ZMYM3: variants seen among roughly 807,000 people sequenced by gnomAD.
ZMYM3 encodes the protein zinc finger MYM-type protein 3.
A neutral mutation model predicts 94.2 loss-of-function variants in ZMYM3; 6 were observed. That is an observed-to-expected ratio of 0.06 (90% CI 0.03 to 0.13). ZMYM3 has a LOEUF of 0.13. Ranked by LOEUF, ZMYM3 falls within the 10% of genes least tolerant of loss-of-function variation. ZMYM3 has a pLI of 1.00. For missense variants in ZMYM3, 664 were observed against 1,132.6 expected (o/e 0.59, Z 5.94); for synonymous variants, 420 against 426.5 (o/e 0.98, Z 0.19).
intron 3 of ZMYM3, 121 bp downstream of exon 3, chrX:71,251,437 C>T (rs1390882858): frequency 2.0e-6 from 2 of 992,581 alleles, no homozygotes; most frequent in East Asian, 6.7e-5. Context: ...GTGCTCCCTC[C>T]CTCCTCCTAA....
At chrX:71,253,539 A>G (rs1204504813) in intron 1 of ZMYM3, among the ~76,000 whole-genome samples, 1 of 22,784 alleles carries the variant, frequency 4.4e-5, no homozygotes, top group Admixed American at 5.4e-4. Flanking sequence ...CCACCCCCCT[A>G]CTCGACTGCA....
intron 17 of ZMYM3, 22 bp downstream of exon 17, chrX:71,245,646 G>T: frequency 8.3e-7 from 1 of 1,203,389 alleles, no homozygotes; most frequent in South Asian, 1.8e-5. Context: ...TGTCTCCCTC[G>T]TCGCCACCAT....
chrX:71,249,059 G>A lies in ZMYM3; in HGVS notation c.1581C>T (p.Cys527=). The A allele has an allele frequency of 8.3e-7, 1 of 1,211,548 alleles. No homozygotes were observed. The highest frequency in any genetic ancestry group is 1.1e-6 in the Non-Finnish European group (1 of 895,523). ...GCTTCACTTTGTAAGAAGTGGTACA[G>A]CACAGGGAACAGAACAAGCTGGTCT... ...NGKTSLFCSL[C]CTTSYKVKQA... The change falls in exon 8 of 25, where the codon TGC becomes TGT. Residue 527 remains cysteine (C), a synonymous_variant. Coordinates refer to ENST00000314425, the MANE Select transcript of ZMYM3 (RefSeq NM_201599.3).
In ZMYM3 at chrX:71,240,773, G is replaced by A; in HGVS notation, c.*143C>T. ...AAGAAGATAAAAGCCAGGGTTCCTA[G>A]AGAAGGCAGGGAATGGGTGAGCGGA... On this transcript the variant is annotated 3_prime_UTR_variant, in exon 25 of 25. Transcript: ENST00000314425. The A allele has an allele frequency of 1.7e-6, 1 of 593,208 alleles. No homozygotes were observed. The allele number at this position is 593,208 out of a possible 1,213,427, so 48.9% of individuals were successfully genotyped here. A position where few individuals can be genotyped will look rare whatever the true frequency, so the allele number is the denominator to read the frequency against.
chrX:71,246,286 C>T (rs1228022695), intron 15 of ZMYM3, 67 bp downstream of exon 15: 9 of 1,180,675 alleles, frequency 7.6e-6, no homozygotes, highest in South Asian at 7.2e-5. Context: ...GTCCAGCTCA[C>T]GGACATAGGG....
chrX:71,253,829 G>A (rs2148003140), intron 1 of ZMYM3, among the ~76,000 whole-genome samples, 200 bp downstream of exon 1: 1 of 77,428 alleles, frequency 1.3e-5, no homozygotes, highest in African/African-American at 5.1e-5. Flanking sequence ...CTTTCAGGTC[G>A]CCCACTTCCT....
rs899672548 is a variant in ZMYM3, at chrX:71,239,849, C to T, written c.*1067G>A. On this transcript the variant is annotated 3_prime_UTR_variant, in exon 25 of 25. Coordinates refer to ENST00000314425, the MANE Select transcript of ZMYM3 (RefSeq NM_201599.3). Reference sequence around the variant, plus strand: ...AGTCAACAGGGAAAGAAGTGGGTACCCCCTTTGCCAGAAGCTAATTGTTTT... The same window carrying T: ...AGTCAACAGGGAAAGAAGTGGGTACTCCCTTTGCCAGAAGCTAATTGTTTT... 3.6e-5 allele frequency: 4 copies of T among 112,375 alleles called. No individual in the cohort carries two copies. The highest frequency in any genetic ancestry group is 7.5e-5 in the Non-Finnish European group (4 of 53,199). 9.3% of individuals were successfully genotyped at this position (112,375 alleles called of 1,213,427 possible).
chrX:71,239,791 T>C lies in ZMYM3; in HGVS notation c.*1125A>G, dbSNP rs1038169091. 8.9e-6 allele frequency: 1 copy of C among 112,527 alleles called. No homozygotes were observed. The highest frequency in any genetic ancestry group is 1.9e-5 in the Non-Finnish European group (1 of 53,247). 9.3% of individuals were successfully genotyped at this position (112,527 alleles called of 1,213,427 possible). A position where few individuals can be genotyped will look rare whatever the true frequency, so the allele number is the denominator to read the frequency against. On this transcript the variant is annotated 3_prime_UTR_variant, in exon 25 of 25. Coordinates refer to ENST00000314425, the MANE Select transcript of ZMYM3 (RefSeq NM_201599.3). ...AACAGTGGCTAACTGGTGACAGTTA[T>C]AAAAACACAAAAAGGAGCCTGGGAA... is the stretch of plus-strand genomic sequence containing the variant.
chrX:71,245,690 G>T lies in ZMYM3; in HGVS notation c.2838C>A (p.Asp946Glu). Residue 946 changes from aspartate to glutamate, a missense_variant, in exon 17 of 25, where the codon GAC becomes GAA. Coordinates refer to ENST00000314425, the MANE Select transcript of ZMYM3 (RefSeq NM_201599.3). ...TACCACAAAGGTCAGATGAGGCCTTGTCTAACTCCTCAGCCTCTGCAATCA... is the reference window on the plus strand; with the variant it reads ...TACCACAAAGGTCAGATGAGGCCTTTTCTAACTCCTCAGCCTCTGCAATCA... ...AEMIAEAEEL[D>E]KASSDLCDLV... is the part of the protein sequence containing the mutation. 1 of 1,211,345 alleles carries T rather than the reference G, an allele frequency of 8.3e-7. No individual in the cohort carries two copies. The highest frequency in any genetic ancestry group is 1.1e-6 in the Non-Finnish European group (1 of 895,322).
chrX:71,244,958 C>T (rs1455226584), intron 18 of ZMYM3, 65 bp from the exon 19 acceptor site: 1 of 935,021 alleles, frequency 1.1e-6, no homozygotes, highest in African/African-American at 2.0e-5. Flanking sequence ...CCCTCCTGCC[C>T]CACCCCTGCT....
In ZMYM3 at chrX:71,248,140, C is replaced by G. The variant is rs1035188460; in HGVS notation, c.1975+22G>C. Reference sequence around the variant, plus strand: ...CCCTGGCTGGGAGTTATAGTGTCTTCTGCCCTTCCCCATCTCCTTACCTTC... The same window carrying G: ...CCCTGGCTGGGAGTTATAGTGTCTTGTGCCCTTCCCCATCTCCTTACCTTC... On this transcript the variant is annotated intron_variant, in intron 11 of 24. Transcript: ENST00000314425. The G allele has an allele frequency of 3.3e-6, 4 of 1,207,269 alleles. 1 individual carries two copies. In the African/African-American group the frequency reaches 7.0e-5, roughly 21 times the overall value.
chrX:71,247,191 G>T (rs1041270825), intron 13 of ZMYM3, among the ~76,000 whole-genome samples, 154 bp downstream of exon 13: 1 of 111,773 alleles, frequency 8.9e-6, no homozygotes, highest in Admixed American at 9.5e-5. Context: ...GTACCTGCAG[G>T]GTTCGGAAGC....
chrX:71,250,968 A>G (rs938810681), intron 4 of ZMYM3, among the ~76,000 whole-genome samples: 1 of 111,240 alleles, frequency 9.0e-6, no homozygotes, highest in Non-Finnish European at 1.9e-5. Flanking sequence ...GGCATAGCTG[A>G]AACAGGAAAC....
chrX:71,252,836 T>C lies in ZMYM3; in HGVS notation c.420A>G (p.Leu140=). The C allele has an allele frequency of 8.3e-7, 1 of 1,211,030 alleles. No individual in the cohort carries two copies. The change falls in exon 2 of 25, where the codon CTA becomes CTG. Residue 140 remains leucine (L), a synonymous_variant. Coordinates refer to ENST00000314425, the MANE Select transcript of ZMYM3 (RefSeq NM_201599.3). ...GAGAATCTGGAGCCAAAGGCTCTAGTAGCCCCTCAGGTGAACAGGAATTTG... is the reference window on the plus strand; with the variant it reads ...GAGAATCTGGAGCCAAAGGCTCTAGCAGCCCCTCAGGTGAACAGGAATTTG... ...AGANSCSPEG[L]LEPLAPDSPI... is the part of the protein sequence containing the mutation.
In ZMYM3 at chrX:71,243,991, A is replaced by G. The variant is rs1291581670; in HGVS notation, c.3281-11T>C. 2 of 1,210,559 alleles carry G rather than the reference A, an allele frequency of 1.7e-6. No individual in the cohort carries two copies. The highest frequency in any genetic ancestry group is 1.1e-6 in the Non-Finnish European group (1 of 894,884). On this transcript the variant is annotated splice_polypyrimidine_tract_variant and intron_variant, in intron 20 of 24. Coordinates refer to ENST00000314425, the MANE Select transcript of ZMYM3 (RefSeq NM_201599.3). ...TACGCATGGGTTTGGCTGCAGTGATATGTTGTGCAGGGACAGGATTAAGAA... is the reference window on the plus strand; with the variant it reads ...TACGCATGGGTTTGGCTGCAGTGATGTGTTGTGCAGGGACAGGATTAAGAA...
At chrX:71,243,115 C>T in intron 21 of ZMYM3, 31 bp from the exon 22 acceptor site, 1 of 1,107,674 alleles carries the variant, frequency 9.0e-7, no homozygotes, top group Non-Finnish European at 1.2e-6. Flanking sequence ...ACACCTAAGG[C>T]TAGACTGTAG....
In ZMYM3 at chrX:71,252,684, G is replaced by A. The variant is rs374159934; in HGVS notation, c.572C>T (p.Pro191Leu). The change falls in exon 2 of 25, where the codon CCT becomes CTT. Residue 191 changes from proline to leucine, a missense_variant. Pro to Leu is a moderately conservative substitution (Grantham distance 98). This residue lies in a region of ZMYM3 where 196 missense variants were observed against 190.8 expected (regional missense o/e 1.03). Coordinates refer to ENST00000314425, the MANE Select transcript of ZMYM3 (RefSeq NM_201599.3). ...CAGAGTCTCTCCCACTGAAGGGCTA[G>A]GCGGGGCATTTGGGCTCTGTGGCTG... is the stretch of plus-strand genomic sequence containing the variant. ...QGQPQSPNAP[P>L]SPSVGETLGD... 25 of 1,192,607 alleles carry A rather than the reference G, an allele frequency of 2.1e-5. No homozygotes were observed. The African/African-American group carries it at 3.9e-4, about 18-fold the overall frequency.
chrX:71,246,527 G>A lies in ZMYM3; in HGVS notation c.2413-15C>T, dbSNP rs201921387. On this transcript the variant is annotated splice_polypyrimidine_tract_variant and intron_variant, in intron 14 of 24. Transcript: ENST00000314425. Reference sequence around the variant, plus strand: ...TTCACAGGGATCTGCAAAGACAGAGGAACATTTGTGCCACCAACCGCCGTA... The same window carrying A: ...TTCACAGGGATCTGCAAAGACAGAGAAACATTTGTGCCACCAACCGCCGTA... 1.8e-5 allele frequency: 21 copies of A among 1,187,738 alleles called. No homozygotes were observed. Among genetic ancestry groups the A allele is most frequent in the Non-Finnish European group, 2.4e-5 (21 of 882,942 alleles).
rs775625693 is a variant in ZMYM3, at chrX:71,242,030, C to T, written c.3802+140G>A. The T allele has an allele frequency of 9.9e-5, 86 of 864,482 alleles. No individual in the cohort carries two copies. In the South Asian group the frequency reaches 2.2e-3, roughly 22 times the overall value. The allele number at this position is 864,482 out of a possible 1,213,427, so 71.2% of individuals were successfully genotyped here. A position where few individuals can be genotyped will look rare whatever the true frequency, so the allele number is the denominator to read the frequency against. On this transcript the variant is annotated intron_variant, in intron 23 of 24. Transcript: ENST00000314425. ...AGGTAGGAGGACTGGCTGTTTCTAC[C>T]CTTTCTGCACACAGGAACAGGAGAG...
Sources: gnomAD v4.1 joint callset for allele counts (sites outside exome capture counted in the v4.1 genomes callset) on GRCh38, gnomAD v4.1.1 for gene constraint, gnomAD v4.1.1 regional missense constraint, MANE v1.5 for transcripts, NCBI Gene and HGNC (gene_info 2026-07-23, HGNC 2026-07-21) for gene names.